The following SYT7 variants were observed in gnomAD, a reference collection of about 807,000 sequenced individuals.
The protein encoded by SYT7 is synaptotagmin 7.
A neutral mutation model predicts 75.1 loss-of-function variants in SYT7; 29 were observed. The ratio of observed to expected loss-of-function variants is 0.39; its 90% confidence interval spans 0.29 to 0.53. The LOEUF (loss-of-function observed/expected upper bound fraction) is 0.53. SYT7 is among the 20% of genes least tolerant of loss of function. The pLI, the probability that SYT7 is intolerant of heterozygous loss-of-function variation, is 0.77. For missense variants in SYT7, 693 were observed against 953.2 expected, an observed-to-expected ratio of 0.73 and a Z score of 3.59; for synonymous variants, 376 against 401.7, an observed-to-expected ratio of 0.94 and a Z score of 0.76.
At chr11:61,575,826 A>C (rs944496455) in intron 1 of SYT7, among the ~76,000 whole-genome samples, 6 of 152,194 alleles carry the variant, frequency 3.9e-5, no homozygotes, top group Admixed American at 3.9e-4. Flanking sequence ...TATTATGGCC[A>C]TCCAGCTGCC....
At chr11:61,559,059 A>T (rs2063574691) in intron 1 of SYT7, among the ~76,000 whole-genome samples, 1 of 152,172 alleles carries the variant, frequency 6.6e-6, no homozygotes, top group Non-Finnish European at 1.5e-5. Flanking sequence ...TCTGCCTCTT[A>T]ACAGCTGTGT....
chr11:61,535,747 T>C (rs2062851608), intron 7 of SYT7, among the ~76,000 whole-genome samples: 1 of 152,194 alleles, frequency 6.6e-6, no homozygotes, highest in Admixed American at 6.5e-5. Flanking sequence ...ATGAGCCTGC[T>C]GCTCACAGAC....
chr11:61,514,963 G>C lies in SYT7; in HGVS notation c.*3664C>G, dbSNP rs1212363608. Reference sequence around the variant, plus strand: ...TTGGTTTGTCTGAGCTGCCTTGGAGGGTGGCAAGTGTCCTCTGGGAACTGA... The same window carrying C: ...TTGGTTTGTCTGAGCTGCCTTGGAGCGTGGCAAGTGTCCTCTGGGAACTGA... On this transcript the variant is annotated 3_prime_UTR_variant, in exon 13 of 13. Coordinates refer to ENST00000539008, the MANE Select transcript of SYT7 (RefSeq NM_001365809.2). Among the ~76,000 whole-genome samples the C allele has an allele frequency of 2.0e-5, 3 of 152,178 alleles. No individual in the cohort carries two copies. Among genetic ancestry groups the C allele is most frequent in the African/African-American group, 4.8e-5 (2 of 41,442 alleles).
Position 61,534,385 on chromosome 11 carries a change from A to G in SYT7, c.1065-1261T>C, listed in dbSNP as rs1177708257. ...TGCACGTGCGCACACACACACGCAC[A>G]TGCATGCACACACATGTACACACGC... is the stretch of plus-strand genomic sequence containing the variant. On this transcript the variant is annotated intron_variant, in intron 7 of 12. Transcript: ENST00000539008. 3.3e-5 allele frequency among the ~76,000 whole-genome samples: 5 copies of G among 152,040 alleles called. No individual in the cohort carries two copies. In the East Asian group the frequency reaches 9.7e-4, roughly 29 times the overall value.
At chr11:61,538,385 G>GAGAA (rs1287103515) in intron 6 of SYT7, 119 bp from the exon 7 acceptor site, 2 of 818,290 alleles carry the variant, frequency 2.4e-6, no homozygotes, top group Non-Finnish European at 3.6e-6. Flanking sequence ...GAGAGAGAGA[G>GAGAA]AGAAAGAGAG....
In SYT7 at chr11:61,527,999, G is replaced by C; in HGVS notation, c.1387C>G (p.Leu463Val). 6.2e-7 allele frequency: 1 copy of C among 1,614,202 alleles called. No homozygotes were observed. Among genetic ancestry groups the C allele is most frequent in the East Asian group, 2.2e-5 (1 of 44,870 alleles). ...TCCAGCTTGTGCTTCTTGTCGGGCAGCAGGTAGATCTTGACGAAGGGGTCG... is the reference window on the plus strand; with the variant it reads ...TCCAGCTTGTGCTTCTTGTCGGGCACCAGGTAGATCTTGACGAAGGGGTCG... ...TSDPFVKIYL[L>V]PDKKHKLETK... The change falls in exon 9 of 13, where the codon CTG becomes GTG. Residue 463 changes from leucine to valine, a missense_variant. Coordinates refer to ENST00000539008, the MANE Select transcript of SYT7 (RefSeq NM_001365809.2).
chr11:61,518,804 AC>A, intron 12 of SYT7, 73 bp from the exon 13 acceptor site: 1 of 1,104,338 alleles, frequency 9.1e-7, no homozygotes, highest in Non-Finnish European at 1.3e-6. Flanking sequence ...CAGGGGTGAC[AC>A]CCCAACTCCA....
rs760015489 is a variant in SYT7 at position 61,556,155 on chromosome 11, A to G, written c.84T>C (p.Leu28=). Residue 28 remains leucine (L), a synonymous_variant, in exon 2 of 13, where the codon CTT becomes CTC. Transcript: ENST00000539008. ...LLVSAIITVS[L]SVTVVLCGLC... ...GGCCGCAGAGGACGACAGTGACGCTAAGGCTGACGGTGATGATGGCAGAGA... is the reference window on the plus strand; with the variant it reads ...GGCCGCAGAGGACGACAGTGACGCTGAGGCTGACGGTGATGATGGCAGAGA... The G allele has an allele frequency of 3.1e-6, 5 of 1,614,012 alleles. No individual in the cohort carries two copies. The highest frequency in any genetic ancestry group is 4.2e-6 in the Non-Finnish European group (5 of 1,179,946).
chr11:61,518,953 G>A lies in SYT7; in HGVS notation c.1957-222C>T, dbSNP rs1054349347. 6.6e-5 allele frequency among the ~76,000 whole-genome samples: 10 copies of A among 152,302 alleles called. No homozygotes were observed. In the East Asian group the frequency reaches 1.2e-3, roughly 18 times the overall value. ...CCCCCACACCCCCAAGCCTGGGCAC[G>A]CCAGGCCTCTCGGAATTAGACTGCC... On this transcript the variant is annotated intron_variant, in intron 12 of 12. Coordinates refer to ENST00000539008, the MANE Select transcript of SYT7 (RefSeq NM_001365809.2).
rs917187619 is a variant in SYT7, at chr11:61,542,736, G to A, written c.573-157C>T. On this transcript the variant is annotated intron_variant, in intron 5 of 12. Coordinates refer to ENST00000539008, the MANE Select transcript of SYT7 (RefSeq NM_001365809.2). This position sits in a 1 kb window ranked among gnomAD's most constrained non-coding sequence, Gnocchi z 7.8. ...CATCGGAGCTGTCGCCACCGCCGTC[G>A]CCGCCACTGCCTCGCCCAGGAGGCT... Among the ~76,000 whole-genome samples, 10 of 152,180 alleles carry A rather than the reference G, an allele frequency of 6.6e-5. No individual in the cohort carries two copies. In the South Asian group the frequency reaches 1.2e-3, roughly 19 times the overall value.
chr11:61,523,305 G>T lies in SYT7; in HGVS notation c.1757-31C>A, dbSNP rs777474541. On this transcript the variant is annotated intron_variant, in intron 11 of 12. Coordinates refer to ENST00000539008, the MANE Select transcript of SYT7 (RefSeq NM_001365809.2). This position sits in a 1 kb window ranked among gnomAD's most constrained non-coding sequence, Gnocchi z 5.0. ...GGAGGGAGTGGGGAAGGGTTAGAGG[G>T]ACCGTGGGGGAGGGACTTCCTAGGA... The T allele has an allele frequency of 6.3e-7, 1 of 1,599,720 alleles. No individual in the cohort carries two copies. Among genetic ancestry groups the T allele is most frequent in the South Asian group, 1.1e-5 (1 of 90,786 alleles).
chr11:61,563,540 G>A (rs1325009103), intron 1 of SYT7, among the ~76,000 whole-genome samples: 1 of 152,212 alleles, frequency 6.6e-6, no homozygotes, highest in Non-Finnish European at 1.5e-5. Context: ...ATAGGTGCTT[G>A]AGCCCATCCT....
chr11:61,567,160 G>A (rs1175244515), intron 1 of SYT7, among the ~76,000 whole-genome samples: 1 of 152,202 alleles, frequency 6.6e-6, no homozygotes, highest in Non-Finnish European at 1.5e-5. Context: ...AGAGACCACT[G>A]CGGATCTGAA....
intron 9 of SYT7, 127 bp downstream of exon 9, chr11:61,527,788 T>G: frequency 8.9e-7 from 1 of 1,121,926 alleles, no homozygotes; most frequent in Non-Finnish European, 1.3e-6. Context: ...TGTGTGTTTG[T>G]GCATTTGTGG....
At chr11:61,565,346 C>T (rs1478418273) in intron 1 of SYT7, among the ~76,000 whole-genome samples, 1 of 152,166 alleles carries the variant, frequency 6.6e-6, no homozygotes, top group African/African-American at 2.4e-5. Context: ...TGGTGCCTAT[C>T]CTGCTTCCCT....
chr11:61,531,206 C>T, intron 8 of SYT7: 11 of 899,766 alleles, frequency 1.2e-5, no homozygotes, highest in Non-Finnish European at 1.5e-5. Flanking sequence ...CAATTAGACT[C>T]TGCCCTCCCA....
rs1416530117 is a variant in SYT7 at position 61,524,782 on chromosome 11, A to T, written c.1472-250T>A. 1.6e-5 allele frequency: 7 copies of T among 424,756 alleles called. No homozygotes were observed. Among genetic ancestry groups the T allele is most frequent in the Middle Eastern group, 6.3e-4 (1 of 1,590 alleles). 26.3% of individuals were successfully genotyped at this position (424,756 alleles called of 1,614,324 possible). A position where few individuals can be genotyped will look rare whatever the true frequency, so the allele number is the denominator to read the frequency against. ...CTCGTCCATCTTACAGATGAGGCTC[A>T]GACGGCTTAAAGTACTTGCCCAGAC... On this transcript the variant is annotated intron_variant, in intron 9 of 12. Transcript: ENST00000539008. The surrounding 1 kb of genome is among the most constrained non-coding windows in gnomAD (Gnocchi z 4.1).
At chr11:61,575,811 A>T (rs986945307) in intron 1 of SYT7, among the ~76,000 whole-genome samples, 4 of 152,176 alleles carry the variant, frequency 2.6e-5, no homozygotes, top group Non-Finnish European at 5.9e-5. Context: ...TTCGATAAGC[A>T]CAGATATTAT....
chr11:61,550,482 T>G (rs1463252596), intron 3 of SYT7, among the ~76,000 whole-genome samples: 4 of 147,068 alleles, frequency 2.7e-5, no homozygotes, highest in South Asian at 2.2e-4. Flanking sequence ...GGAGGAAGAG[T>G]GGAGGTAGGG....
Sources: gnomAD v4.1 joint callset for allele counts (sites outside exome capture counted in the v4.1 genomes callset) on GRCh38, gnomAD v4.1.1 for gene constraint, Gnocchi (gnomAD v3.1) non-coding constraint, MANE v1.5 for transcripts, NCBI Gene and HGNC (gene_info 2026-07-23, HGNC 2026-07-21) for gene names.